The following VIRMA variants were observed in gnomAD, a reference collection of about 807,000 sequenced individuals.
VIRMA encodes the protein protein virilizer homolog.
VIRMA carries 65 observed loss-of-function variants against 182.4 expected under a neutral mutation model. The ratio of observed to expected loss-of-function variants is 0.36; its 90% CI spans 0.29 to 0.44. VIRMA has a LOEUF of 0.44. VIRMA is among the 20% of genes least tolerant of loss of function. The pLI is 1.00. For synonymous variants in VIRMA, 709 were observed against 743.1 expected (o/e 0.95, Z 0.75); for missense variants, 1,752 against 2,158.1 (o/e 0.81, Z 3.73).
At chr8:94,512,141 C>G (rs912215357) in intron 11 of VIRMA, 52 bp from the exon 12 acceptor site, 2 of 851,526 alleles carry the variant, frequency 2.3e-6, no homozygotes, top group Non-Finnish European at 3.3e-6. Flanking sequence ...CCCATGAGAT[C>G]AACAGAAAAT....
At chr8:94,510,338 A>G in intron 14 of VIRMA, 79 bp downstream of exon 14, 1 of 1,102,940 alleles carries the variant, frequency 9.1e-7, no homozygotes, top group Admixed American at 2.1e-5. Flanking sequence ...TCCAAACCCT[A>G]GTTTCCAAAT....
Position 94,553,407 on chromosome 8 carries a change from G to T in VIRMA, c.41C>A (p.Thr14Asn). 6.2e-7 allele frequency: 1 copy of T among 1,614,204 alleles called. No homozygotes were observed. Among genetic ancestry groups the T allele is most frequent in the Non-Finnish European group, 8.5e-7 (1 of 1,180,018 alleles). Residue 14 changes from threonine to asparagine, a missense_variant, in exon 1 of 24, where the codon ACT becomes AAT. Thr to Asn is a moderately conservative substitution (Grantham distance 65). Around this residue, in one of 11 missense-constraint regions of VIRMA, gnomAD observed 195 missense variants for 191.7 expected, o/e 1.02. Transcript: ENST00000297591. ...DSAMELLFLDTFKHPSAEQSS... is the reference protein window; with the variant it reads ...DSAMELLFLDNFKHPSAEQSS... Reference sequence around the variant, plus strand: ...TACCTCAGCGCTCGGGTGTTTAAAAGTATCTAAAAATAACAGCTCCATCGC... The same window carrying T: ...TACCTCAGCGCTCGGGTGTTTAAAATTATCTAAAAATAACAGCTCCATCGC...
rs1816083464 is a variant in VIRMA, at chr8:94,553,447, TG to T, written c.-1del. 3 of 1,614,164 alleles carry T rather than the reference TG, an allele frequency of 1.9e-6. No individual in the cohort carries two copies. In the East Asian group the frequency reaches 6.7e-5, roughly 36 times the overall value. ...AGCTCCATCGCCGAGTCCACCGCCA[TG>T]TTTGCCGCGGGCGGGGAACAGGGGG... On this transcript the variant is annotated 5_prime_UTR_variant, in exon 1 of 24. Coordinates refer to ENST00000297591, the MANE Select transcript of VIRMA (RefSeq NM_015496.5).
chr8:94,508,898 T>C (rs1814257162), intron 15 of VIRMA, among the ~76,000 whole-genome samples: 1 of 151,926 alleles, frequency 6.6e-6, no homozygotes, highest in East Asian at 1.9e-4. Context: ...AAGATCTCAA[T>C]CATAATGGGC....
intron 9 of VIRMA, 54 bp from the exon 10 acceptor site, chr8:94,517,996 C>G: frequency 1.4e-6 from 2 of 1,445,980 alleles, no homozygotes; most frequent in Admixed American, 2.0e-5. Flanking sequence ...TTTTTAGGAA[C>G]AATTTTTAAA....
At chr8:94,550,721 T>TA (rs61468104) in intron 1 of VIRMA, among the ~76,000 whole-genome samples, 18,255 of 151,976 alleles carry the variant, frequency 0.12, 1,597 homozygotes, top group African/African-American at 0.24. Flanking sequence ...TTTATTTATG[T>TA]ATTTATTTAT....
chr8:94,488,692 T>C lies in VIRMA; in HGVS notation c.*14A>G, dbSNP rs1813523398. ...AAATGTTCATATACAGTTAAGATGT[T>C]CCCAAAAGGATTTTTATCGTGTAAA... On this transcript the variant is annotated 3_prime_UTR_variant, in exon 24 of 24. Coordinates refer to ENST00000297591, the MANE Select transcript of VIRMA (RefSeq NM_015496.5). The C allele has an allele frequency of 3.7e-6, 6 of 1,613,640 alleles. No homozygotes were observed. The highest frequency in any genetic ancestry group is 1.3e-5 in the African/African-American group (1 of 74,918).
chr8:94,513,040 T>C lies in VIRMA; in HGVS notation c.2752-951A>G, dbSNP rs140495889. 8.0e-4 allele frequency among the ~76,000 whole-genome samples: 122 copies of C among 152,286 alleles called. 1 individual carries two copies. Among genetic ancestry groups the C allele is most frequent in the Non-Finnish European group, 1.5e-3 (101 of 68,010 alleles). ...AGCTTTCACAGAACAGCATTATCAATTGTTTAAAAACTTGGGGCTGGGTGT... is the reference window on the plus strand; with the variant it reads ...AGCTTTCACAGAACAGCATTATCAACTGTTTAAAAACTTGGGGCTGGGTGT... On this transcript the variant is annotated intron_variant, in intron 11 of 23. Coordinates refer to ENST00000297591, the MANE Select transcript of VIRMA (RefSeq NM_015496.5).
At chr8:94,537,993 T>A (rs953485381) in intron 3 of VIRMA, among the ~76,000 whole-genome samples, 1 of 152,254 alleles carries the variant, frequency 6.6e-6, no homozygotes, top group African/African-American at 2.4e-5. Flanking sequence ...GTTACTATCA[T>A]GTGTGAAAGT....
rs1433056389 is a variant in VIRMA, at chr8:94,495,751, AAG to A, written c.4522_4523del (p.Leu1508SerfsTer5). ...VEPVLSAPESLQNLFNNRTAY... is the reference protein window; with the variant it reads ...VEPVLSAPESXQNLFNNRTAY... Reference sequence around the variant, plus strand: ...TTTACCTATTGTTAAACAGATTCTGAAGAGATTCTGGAGCTGAAAGTACTGGT... The same window carrying A: ...TTTACCTATTGTTAAACAGATTCTGAAGATTCTGGAGCTGAAAGTACTGGT... On this transcript the variant is annotated frameshift_variant, in exon 19 of 24. Transcript: ENST00000297591. LOFTEE classifies it high-confidence loss of function. 6.2e-7 allele frequency: 1 copy of A among 1,613,438 alleles called. No individual in the cohort carries two copies.
Position 94,514,872 on chromosome 8 carries a change from C to T in VIRMA, c.2748G>A (p.Lys916=), listed in dbSNP as rs1554555284. 6.4e-7 allele frequency: 1 copy of T among 1,559,184 alleles called. No homozygotes were observed. The highest frequency in any genetic ancestry group is 8.8e-7 in the Non-Finnish European group (1 of 1,138,330). Reference sequence around the variant, plus strand: ...CACTTTTAAGTTTTACACTTACCTGCTTAACATACTCAATTAAGTTTGGGA... The same window carrying T: ...CACTTTTAAGTTTTACACTTACCTGTTTAACATACTCAATTAAGTTTGGGA... The part of the protein sequence containing the change: ...NCIPNLIEYV[K]QNIDNLMTPE... Residue 916 remains lysine, a synonymous_variant, in exon 11 of 24, where the codon AAG becomes AAA. Transcript: ENST00000297591.
At chr8:94,540,536 C>T (rs1460886732) in intron 2 of VIRMA, among the ~76,000 whole-genome samples, 3 of 148,832 alleles carry the variant, frequency 2.0e-5, no homozygotes, top group Non-Finnish European at 4.4e-5. Flanking sequence ...ACGATCTCAG[C>T]TCACCACAAC....
At chr8:94,501,253 C>G (rs1813974686) in intron 16 of VIRMA, among the ~76,000 whole-genome samples, 1 of 62,490 alleles carries the variant, frequency 1.6e-5, no homozygotes, top group Non-Finnish European at 2.6e-5. Context: ...GAGATTCCAT[C>G]TCAAAAAAAA....
At chr8:94,531,277 G>A (rs3098721) in intron 5 of VIRMA, among the ~76,000 whole-genome samples, 192 bp from the exon 6 acceptor site, 46,946 of 151,900 alleles carry the variant, frequency 0.31, 7,362 homozygotes, top group South Asian at 0.47. Flanking sequence ...CAGGTTCCTC[G>A]GGGCCAACGT....
At chr8:94,515,882 G>A (rs1230202030) in intron 10 of VIRMA, among the ~76,000 whole-genome samples, 2 of 151,760 alleles carry the variant, frequency 1.3e-5, no homozygotes, top group Non-Finnish European at 2.9e-5. Flanking sequence ...TGGATCACGA[G>A]ATCGACAGAT....
At chr8:94,521,401 T>A (rs1432526690) in intron 8 of VIRMA, among the ~76,000 whole-genome samples, 5 of 152,148 alleles carry the variant, frequency 3.3e-5, no homozygotes, top group African/African-American at 9.7e-5. Context: ...CTCAACTTTT[T>A]AAAAATGAAA....
At chr8:94,546,469 C>G (rs1200522763) in intron 1 of VIRMA, among the ~76,000 whole-genome samples, 1 of 151,222 alleles carries the variant, frequency 6.6e-6, no homozygotes, top group Non-Finnish European at 1.5e-5. Context: ...TCCATTCCGG[C>G]TGTCACTCCT....
At chr8:94,505,480 T>C (rs957825906) in intron 16 of VIRMA, among the ~76,000 whole-genome samples, 3 of 138,492 alleles carry the variant, frequency 2.2e-5, no homozygotes, top group African/African-American at 7.4e-5. Flanking sequence ...CATTTCTTTT[T>C]CTTTTTTTTT....
chr8:94,505,797 T>C (rs1814133671), intron 16 of VIRMA, among the ~76,000 whole-genome samples: 1 of 152,184 alleles, frequency 6.6e-6, no homozygotes, highest in Non-Finnish European at 1.5e-5. Flanking sequence ...CAGCTATTTA[T>C]ATAATTTCAG....
Sources: gnomAD v4.1 joint callset for allele counts (sites outside exome capture counted in the v4.1 genomes callset) on GRCh38, gnomAD v4.1.1 for gene constraint, gnomAD v4.1.1 regional missense constraint, MANE v1.5 for transcripts, NCBI Gene and HGNC (gene_info 2026-07-23, HGNC 2026-07-21) for gene names.